Variants in KCNIP1 observed in about 807,000 individuals in gnomAD.
The protein encoded by KCNIP1 is potassium voltage-gated channel interacting protein 1, also known as A-type potassium channel modulatory protein KCNIP1.
Under a neutral mutation model 33.0 loss-of-function variants are expected in KCNIP1, and 18 were observed. The observed-to-expected ratio is 0.55, with a 90% CI of 0.38 to 0.81. KCNIP1 has a LOEUF of 0.81. Ranked by LOEUF, KCNIP1 falls within the 30% of genes least tolerant of loss-of-function variation. The pLI is 0.00. For synonymous variants in KCNIP1, 93 were observed against 98.3 expected (o/e 0.95, Z 0.32); for missense variants, 238 against 271.6 (o/e 0.88, Z 0.87).
In KCNIP1 at chr5:170,390,510, AAAAACAAAT is replaced by A. The variant is rs1194566909; in HGVS notation, c.88+36548_88+36556del. Among the ~76,000 whole-genome samples the A allele has an allele frequency of 2.1e-4, 19 of 92,332 alleles. 1 individual carries two copies. In the South Asian group the frequency reaches 6.1e-3, roughly 30 times the overall value. The allele number at this position is 92,332 out of a possible 152,430, so 60.6% of individuals were successfully genotyped here. ...AGAGCGAGACCCCGTCTCAAAAAAA[AAAAACAAAT>A]ATATATATATATATATATATTTTCA... On this transcript the variant is annotated intron_variant, in intron 1 of 7. Coordinates refer to the KCNIP1 transcript ENST00000377360.
At chr5:170,450,635 T>C (rs1411925412) in intron 1 of KCNIP1, among the ~76,000 whole-genome samples, 1 of 152,094 alleles carries the variant, frequency 6.6e-6, no homozygotes, top group East Asian at 1.9e-4. Context: ...TGTAAACCCC[T>C]TGTAGCTCTC....
chr5:170,473,777 G>A (rs1162938706), intron 1 of KCNIP1, among the ~76,000 whole-genome samples: 2 of 151,946 alleles, frequency 1.3e-5, no homozygotes, highest in Admixed American at 6.6e-5. Flanking sequence ...ACCCAATTTT[G>A]TTCAGCAATT....
intron 1 of KCNIP1, among the ~76,000 whole-genome samples, chr5:170,443,243 C>G (rs145380603): frequency 2.0e-5 from 3 of 151,694 alleles, no homozygotes; most frequent in Admixed American, 6.6e-5. Context: ...CCCCACCCCC[C>G]GGCCCTGAAG....
At chr5:170,465,349 A>C (rs948805175) in intron 1 of KCNIP1, among the ~76,000 whole-genome samples, 3 of 152,116 alleles carry the variant, frequency 2.0e-5, no homozygotes, top group African/African-American at 7.2e-5. Flanking sequence ...TTTTCTTTCC[A>C]TCCTCCTTCC....
intron 1 of KCNIP1, among the ~76,000 whole-genome samples, chr5:170,609,425 G>A (rs1759056348): frequency 6.6e-6 from 1 of 152,188 alleles, no homozygotes; most frequent in Non-Finnish European, 1.5e-5. Context: ...GCATAGAGAG[G>A]TTGAGTGTGA....
chr5:170,414,466 C>T (rs904982219), intron 1 of KCNIP1, among the ~76,000 whole-genome samples: 2 of 152,224 alleles, frequency 1.3e-5, no homozygotes, highest in Non-Finnish European at 2.9e-5. Context: ...AAATGCTGAG[C>T]TATAACCAAC....
At chr5:170,702,538 G>C (rs947961736) in intron 1 of KCNIP1, among the ~76,000 whole-genome samples, 2 of 152,210 alleles carry the variant, frequency 1.3e-5, no homozygotes, top group Non-Finnish European at 2.9e-5. Context: ...TCTTGAAACT[G>C]TTTGGTGTCT....
intron 1 of KCNIP1, among the ~76,000 whole-genome samples, chr5:170,627,551 G>A (rs990109112): frequency 2.6e-5 from 4 of 152,228 alleles, no homozygotes; most frequent in Admixed American, 2.6e-4. Flanking sequence ...AGGGCCACCG[G>A]CCACTGCTCA....
chr5:170,599,863 A>T (rs4242159), intron 1 of KCNIP1, among the ~76,000 whole-genome samples: 80,165 of 152,086 alleles, frequency 0.53, 21,997 homozygotes, highest in Admixed American at 0.59. Flanking sequence ...GAAAGAAAAT[A>T]TATTCTACAC....
chr5:170,452,312 C>T (rs749215747), intron 1 of KCNIP1, among the ~76,000 whole-genome samples: 23 of 152,282 alleles, frequency 1.5e-4, no homozygotes, highest in African/African-American at 4.6e-4. Flanking sequence ...TTATTGGCAA[C>T]GTTGAAGTCA....
At chr5:170,510,561 A>T (rs910813832) in intron 1 of KCNIP1, among the ~76,000 whole-genome samples, 10 of 152,200 alleles carry the variant, frequency 6.6e-5, no homozygotes, top group African/African-American at 9.7e-5. Flanking sequence ...GAGAGAGCCT[A>T]AGAGTCCTAG....
chr5:170,540,349 T>C (rs1479560202), intron 1 of KCNIP1, among the ~76,000 whole-genome samples: 1 of 152,228 alleles, frequency 6.6e-6, no homozygotes, highest in African/African-American at 2.4e-5. Flanking sequence ...AAAAGGTATG[T>C]TGAGGCACAG....
intron 1 of KCNIP1, among the ~76,000 whole-genome samples, chr5:170,476,576 C>T (rs539680265): frequency 6.4e-4 from 98 of 152,086 alleles, no homozygotes; most frequent in Non-Finnish European, 1.0e-3. Context: ...GACAATTTGT[C>T]TTGAATTTTG....
intron 1 of KCNIP1, among the ~76,000 whole-genome samples, chr5:170,632,252 CCA>C (rs1760077117): frequency 6.6e-6 from 1 of 152,200 alleles, no homozygotes; most frequent in African/African-American, 2.4e-5. Context: ...TCAGAAAACC[CCA>C]GATGCCCCTG....
At chr5:170,439,589 C>G (rs1201852467) in intron 1 of KCNIP1, among the ~76,000 whole-genome samples, 1 of 152,206 alleles carries the variant, frequency 6.6e-6, no homozygotes, top group African/African-American at 2.4e-5. Flanking sequence ...TCCAGCCTGA[C>G]CACTTAGTGG....
chr5:170,582,704 A>G (rs959296319), intron 1 of KCNIP1, among the ~76,000 whole-genome samples: 1 of 152,206 alleles, frequency 6.6e-6, no homozygotes, highest in Non-Finnish European at 1.5e-5. Flanking sequence ...AGCTCCAAGC[A>G]GATCACTTAT....
At chr5:170,679,027 T>C (rs1188435389) in intron 1 of KCNIP1, 3 of 152,196 alleles carry the variant, frequency 2.0e-5, no homozygotes, top group Non-Finnish European at 4.4e-5. Context: ...TTATTACACT[T>C]GCTAGGGCCC....
In KCNIP1 at chr5:170,521,197, A is replaced by G. The variant is rs75368058; in HGVS notation, c.61+16564A>G. Among the ~76,000 whole-genome samples the G allele has an allele frequency of 7.1e-3, 1,078 of 152,340 alleles. 13 individuals carry two copies. Among genetic ancestry groups the G allele is most frequent in the African/African-American group, 0.025 (1,029 of 41,576 alleles). On this transcript the variant is annotated intron_variant, in intron 1 of 7. Transcript: ENST00000328939. ...CCCATATCCATCAGCCATGGCAGAC[A>G]CAGATCCCTCATTATGAGACTTTTT...
chr5:170,644,256 G>T (rs985752345), intron 1 of KCNIP1, among the ~76,000 whole-genome samples: 4 of 152,228 alleles, frequency 2.6e-5, no homozygotes, highest in African/African-American at 9.6e-5. Context: ...GGATGTAATG[G>T]TGTCCATGAA....
Sources: gnomAD v4.1 joint callset for allele counts (sites outside exome capture counted in the v4.1 genomes callset) on GRCh38, gnomAD v4.1.1 for gene constraint, MANE v1.5 for transcripts, NCBI Gene and HGNC (gene_info 2026-07-23, HGNC 2026-07-21) for gene names.